Variants in ARFGEF3 observed in about 807,000 individuals in gnomAD.
ARFGEF3 encodes brefeldin A-inhibited guanine nucleotide-exchange protein 3.
A neutral mutation model predicts 221.7 loss-of-function variants in ARFGEF3; 96 were observed. The ratio of observed to expected loss-of-function variants is 0.43; its 90% CI spans 0.37 to 0.51. The LOEUF (loss-of-function observed/expected upper bound fraction) is 0.51, where lower values mean the gene tolerates loss of function less well. Among genes scored for constraint, ARFGEF3 ranks in the 20% least tolerant of loss-of-function variants. ARFGEF3 has a pLI of 0.00. For missense variants in ARFGEF3, 2,410 were observed against 2,789.9 expected (o/e 0.86, Z 3.07); for synonymous variants, 1,145 against 1,126.8 (o/e 1.02, Z -0.32).
Position 138,279,851 on chromosome 6 carries a change from A to G in ARFGEF3, c.2296-148A>G, listed in dbSNP as rs542209750. On this transcript the variant is annotated intron_variant, in intron 13 of 33. Transcript: ENST00000251691. ...GCACATTTGGGAATCCTCCATCTCT[A>G]CTTCTCCCCACTTGCCGCCCCCTTA... 5 of 671,376 alleles carry G rather than the reference A, an allele frequency of 7.4e-6. No individual in the cohort carries two copies. In the South Asian group the frequency reaches 9.7e-5, roughly 13 times the overall value. 41.6% of individuals were successfully genotyped at this position (671,376 alleles called of 1,614,324 possible).
chr6:138,207,516 G>T (rs575781387), intron 3 of ARFGEF3, among the ~76,000 whole-genome samples: 3 of 152,272 alleles, frequency 2.0e-5, no homozygotes, highest in South Asian at 4.1e-4. Context: ...AAACTGGAAA[G>T]ATTTTGTTTT....
chr6:138,172,539 A>G (rs1353524663), intron 2 of ARFGEF3, among the ~76,000 whole-genome samples: 1 of 152,222 alleles, frequency 6.6e-6, no homozygotes, highest in Non-Finnish European at 1.5e-5. Flanking sequence ...AAGGACCGGG[A>G]AACATATCAT....
intron 17 of ARFGEF3, among the ~76,000 whole-genome samples, chr6:138,288,729 GT>G (rs1311135553): frequency 1.3e-5 from 2 of 152,152 alleles, no homozygotes; most frequent in African/African-American, 4.8e-5. Flanking sequence ...GACAAATGAT[GT>G]TTTGCTAAAA....
intron 22 of ARFGEF3, among the ~76,000 whole-genome samples, chr6:138,299,666 A>T (rs1269820360): frequency 6.6e-6 from 1 of 151,944 alleles, no homozygotes; most frequent in East Asian, 1.9e-4. Flanking sequence ...CCCGCGAGGG[A>T]ATTTGCTAGC....
chr6:138,249,302 A>G (rs1284007820), intron 8 of ARFGEF3, among the ~76,000 whole-genome samples: 1 of 152,194 alleles, frequency 6.6e-6, no homozygotes, highest in Non-Finnish European at 1.5e-5. Context: ...CACATGACTT[A>G]AGAATAGGTA....
chr6:138,311,034 C>G, intron 24 of ARFGEF3, among the ~76,000 whole-genome samples: 1 of 152,196 alleles, frequency 6.6e-6, no homozygotes, highest in East Asian at 1.9e-4. Context: ...CATCCAACAG[C>G]AGGTCCCAGA....
chr6:138,255,754 C>G lies in ARFGEF3; in HGVS notation c.1089C>G (p.Ile363Met). ...CACCCCAGCACCGGGTGGAAGCCATCAAAATAATGAAAGAGGTGAGGAGGC... is the reference window on the plus strand; with the variant it reads ...CACCCCAGCACCGGGTGGAAGCCATGAAAATAATGAAAGAGGTGAGGAGGC... Reference protein sequence around the residue: ...YPPPQHRVEAIKIMKEILGSP... With the variant: ...YPPPQHRVEAMKIMKEILGSP... Residue 363 changes from isoleucine (I) to methionine (M), a missense_variant, in exon 10 of 34, where the codon ATC (isoleucine) becomes ATG (methionine). Coordinates refer to ENST00000251691, the MANE Select transcript of ARFGEF3 (RefSeq NM_020340.5). The G allele has an allele frequency of 6.4e-7, 1 of 1,568,912 alleles. No homozygotes were observed. Among genetic ancestry groups the G allele is most frequent in the Non-Finnish European group, 8.7e-7 (1 of 1,152,024 alleles).
chr6:138,342,802 G>A lies in ARFGEF3; in HGVS notation c.*6316G>A, dbSNP rs532829137. ...ATATTAGCCATTTGAGATGAGATGAGACTACTTGTTGTACCTTCATCTTTC... is the reference window on the plus strand; with the variant it reads ...ATATTAGCCATTTGAGATGAGATGAAACTACTTGTTGTACCTTCATCTTTC... On this transcript the variant is annotated 3_prime_UTR_variant, in exon 34 of 34. Coordinates refer to ENST00000251691, the MANE Select transcript of ARFGEF3 (RefSeq NM_020340.5). The A allele has an allele frequency of 3.9e-5, 6 of 152,134 alleles. No individual in the cohort carries two copies. Among genetic ancestry groups the A allele is most frequent in the Non-Finnish European group, 7.3e-5 (5 of 68,028 alleles). 9.4% of individuals were successfully genotyped at this position (152,134 alleles called of 1,614,324 possible).
At chr6:138,255,391 A>C in intron 9 of ARFGEF3, 45 bp from the exon 10 acceptor site, 1 of 1,421,678 alleles carries the variant, frequency 7.0e-7, no homozygotes, top group Non-Finnish European at 9.7e-7. Flanking sequence ...AAATTTTATC[A>C]TTTGGCTCGT....
At position 138,238,625 on chromosome 6, in the gene ARFGEF3, G is replaced by A. The variant is rs1333277545; in HGVS notation, c.537G>A (p.Glu179=). Residue 179 remains glutamate (E), a synonymous_variant, in exon 6 of 34, where the codon GAG becomes GAA. Transcript: ENST00000251691. ...CTTTACAGTTACGACAGAGGCAGGA[G>A]AATACGGTGAGTCTGTGACACCCCC... is the stretch of plus-strand genomic sequence containing the variant. ...DLTLQLRQRQ[E]NTIIENPDVP... 1 of 1,613,390 alleles carries A rather than the reference G, an allele frequency of 6.2e-7. No individual in the cohort carries two copies. Among genetic ancestry groups the A allele is most frequent in the South Asian group, 1.1e-5 (1 of 91,018 alleles).
At chr6:138,243,277 A>G in intron 7 of ARFGEF3, among the ~76,000 whole-genome samples, 1 of 152,202 alleles carries the variant, frequency 6.6e-6, no homozygotes. Flanking sequence ...TTTGTTAGTT[A>G]CTTCATTCTC....
In ARFGEF3 at chr6:138,199,476, A is replaced by G. The variant is rs151023260; in HGVS notation, c.138-7566A>G. Among the ~76,000 whole-genome samples, 8 of 152,156 alleles carry G rather than the reference A, an allele frequency of 5.3e-5. No homozygotes were observed. The East Asian group carries it at 1.5e-3, about 29-fold the overall frequency. ...GTATTTGGGGTTACTTAAAGTTCGC[A>G]TTTTCCCAATATTGATTCTACCCAT... On this transcript the variant is annotated intron_variant, in intron 2 of 33. Transcript: ENST00000251691.
At chr6:138,296,990 G>C in intron 21 of ARFGEF3, 35 bp downstream of exon 21, 3 of 1,586,594 alleles carry the variant, frequency 1.9e-6, no homozygotes, top group Non-Finnish European at 2.6e-6. Context: ...GGCTGGAACT[G>C]CTAAGTCAGT....
At position 138,263,111 on chromosome 6, in the gene ARFGEF3, A is replaced by T; in HGVS notation, c.1628A>T (p.Glu543Val). The change falls in exon 12 of 34, where the codon GAG becomes GTG. Residue 543 changes from glutamate to valine, a missense_variant. By Grantham distance (121) the Glu-to-Val change is moderately radical. This residue lies in a region of ARFGEF3 where 594 missense variants were observed against 734.3 expected (regional missense o/e 0.81). Coordinates refer to ENST00000251691, the MANE Select transcript of ARFGEF3 (RefSeq NM_020340.5). ...AGTCTCAAGTCGCCAGCCATCCCAG[A>T]GGGTAAGGAGACGCTGAGCAAAGTA... ...KNSLKSPAIP[E>V]GKETLSKVLE... The T allele has an allele frequency of 1.2e-6, 2 of 1,613,948 alleles. No homozygotes were observed. Among genetic ancestry groups the T allele is most frequent in the South Asian group, 2.2e-5 (2 of 91,080 alleles).
At chr6:138,297,238 AG>A (rs1779540962) in intron 21 of ARFGEF3, among the ~76,000 whole-genome samples, 1 of 152,216 alleles carries the variant, frequency 6.6e-6, no homozygotes, top group Admixed American at 6.5e-5. Context: ...TATCAACCTG[AG>A]CCTGGAACAG....
At chr6:138,297,428 C>T (rs1298226277) in intron 21 of ARFGEF3, among the ~76,000 whole-genome samples, 1 of 152,162 alleles carries the variant, frequency 6.6e-6, no homozygotes, top group African/African-American at 2.4e-5. Context: ...TTTCACTCTC[C>T]AAAGGAAAGC....
intron 2 of ARFGEF3, among the ~76,000 whole-genome samples, chr6:138,179,750 T>A (rs1777042269): frequency 6.6e-6 from 1 of 152,220 alleles, no homozygotes. Flanking sequence ...TTTAGTGCTT[T>A]AATTCTGTGC....
intron 12 of ARFGEF3, among the ~76,000 whole-genome samples, chr6:138,270,572 A>T (rs372033449): frequency 6.6e-5 from 10 of 152,274 alleles, no homozygotes; most frequent in African/African-American, 2.4e-4. Context: ...CCTGCATCAC[A>T]TTGCCTACCT....
rs377290005 is a variant in ARFGEF3 at position 138,292,059 on chromosome 6, C to T, written c.3368+6C>T. 32 of 1,411,448 alleles carry T rather than the reference C, an allele frequency of 2.3e-5. No homozygotes were observed. The African/African-American group carries it at 4.0e-4, about 18-fold the overall frequency. The allele number at this position is 1,411,448 out of a possible 1,614,324, so 87.4% of individuals were successfully genotyped here. A position where few individuals can be genotyped will look rare whatever the true frequency, so the allele number is the denominator to read the frequency against. On this transcript the variant is annotated splice_donor_region_variant and intron_variant, in intron 19 of 33. Transcript: ENST00000251691. ...CTCTCCACGCAAGCCGACAGGTGCG[C>T]GGCGCCGGCCTCCCACGCCCCGGGA...
Sources: gnomAD v4.1 joint callset for allele counts (sites outside exome capture counted in the v4.1 genomes callset) on GRCh38, gnomAD v4.1.1 for gene constraint, gnomAD v4.1.1 regional missense constraint, MANE v1.5 for transcripts, NCBI Gene and HGNC (gene_info 2026-07-23, HGNC 2026-07-21) for gene names.